Variants in MTNR1A observed in about 807,000 individuals in gnomAD.
The protein encoded by MTNR1A is melatonin receptor 1A.
A neutral mutation model predicts 5.5 loss-of-function variants in MTNR1A; 7 were observed. The observed-to-expected ratio is 1.28, with a 90% CI of 0.73 to 2.40. The LOEUF (loss-of-function observed/expected upper bound fraction) is 2.40, where lower values mean the gene tolerates loss of function less well. MTNR1A is among the 30% of genes most tolerant of loss of function. The pLI, the probability that MTNR1A is intolerant of heterozygous loss-of-function variation, is 0.00. For missense variants in MTNR1A, 441 were observed against 464.4 expected, an observed-to-expected ratio of 0.95 and a Z score of 0.46; for synonymous variants, 196 against 202.7, an observed-to-expected ratio of 0.97 and a Z score of 0.28.
intron 1 of MTNR1A, among the ~76,000 whole-genome samples, chr4:186,551,430 T>C (rs1189658683): frequency 1.3e-5 from 2 of 151,898 alleles, no homozygotes; most frequent in Non-Finnish European, 2.9e-5. Flanking sequence ...TTTTTAAACA[T>C]ACACTTAAAA....
intron 1 of MTNR1A, among the ~76,000 whole-genome samples, chr4:186,541,741 C>A (rs941576166): frequency 6.6e-6 from 1 of 152,120 alleles, no homozygotes; most frequent in African/African-American, 2.4e-5. Context: ...CTAACTAATG[C>A]CTGATGATTT....
chr4:186,554,155 T>C (rs1039367990), intron 1 of MTNR1A, among the ~76,000 whole-genome samples: 1 of 151,700 alleles, frequency 6.6e-6, no homozygotes, highest in Non-Finnish European at 1.5e-5. Context: ...TTCAATTTAC[T>C]GACTCAAACT....
intron 1 of MTNR1A, among the ~76,000 whole-genome samples, chr4:186,554,697 CCT>C (rs1257448010): frequency 6.6e-6 from 1 of 152,230 alleles, no homozygotes; most frequent in Non-Finnish European, 1.5e-5. Context: ...CGTTTGGGAG[CCT>C]CTCTTTCCAC....
intron 1 of MTNR1A, among the ~76,000 whole-genome samples, chr4:186,535,099 G>A (rs1019552714): frequency 2.6e-5 from 4 of 152,058 alleles, no homozygotes; most frequent in Non-Finnish European, 4.4e-5. Flanking sequence ...CTGTCCAACC[G>A]GGGCAAGTTA....
At chr4:186,552,005 C>A (rs1326068936) in intron 1 of MTNR1A, among the ~76,000 whole-genome samples, 1 of 152,118 alleles carries the variant, frequency 6.6e-6, no homozygotes, top group Non-Finnish European at 1.5e-5. Flanking sequence ...TGTATCATAT[C>A]CCTGTCTTCT....
chr4:186,550,660 A>T (rs928246261), intron 1 of MTNR1A, among the ~76,000 whole-genome samples: 1 of 152,174 alleles, frequency 6.6e-6, no homozygotes, highest in Non-Finnish European at 1.5e-5. Flanking sequence ...TAACTCCCAA[A>T]ATTGCCAAGA....
chr4:186,544,780 G>C (rs75715935), intron 1 of MTNR1A, among the ~76,000 whole-genome samples: 10,647 of 152,210 alleles, frequency 0.07, 405 homozygotes, highest in East Asian at 0.14. Context: ...GGCGGCTTCT[G>C]CTCATCCTCT....
chr4:186,549,215 T>G (rs1168541473), intron 1 of MTNR1A, among the ~76,000 whole-genome samples: 1 of 14,278 alleles, frequency 7.0e-5, no homozygotes, highest in Non-Finnish European at 1.8e-4. Flanking sequence ...CAATATCCCT[T>G]CCAAGAACAT....
chr4:186,535,880 G>A (rs60813580), intron 1 of MTNR1A, among the ~76,000 whole-genome samples: 4,785 of 152,200 alleles, frequency 0.031, 249 homozygotes, highest in African/African-American at 0.11. Flanking sequence ...AGAAGCCTTT[G>A]CTCATTTGCC....
At chr4:186,541,758 G>A (rs767368634) in intron 1 of MTNR1A, among the ~76,000 whole-genome samples, 3 of 152,140 alleles carry the variant, frequency 2.0e-5, no homozygotes, top group Non-Finnish European at 4.4e-5. Flanking sequence ...ATTTGAGGTG[G>A]GACAGTTTCA....
Position 186,547,741 on chromosome 4 carries a change from T to A in MTNR1A, c.184+7441A>T, listed in dbSNP as rs77574527. Among the ~76,000 whole-genome samples, 1,394 of 152,306 alleles carry A rather than the reference T, an allele frequency of 9.2e-3. 17 individuals carry two copies. Among genetic ancestry groups the A allele is most frequent in the African/African-American group, 0.032 (1,347 of 41,556 alleles). On this transcript the variant is annotated intron_variant, in intron 1 of 1. Coordinates refer to ENST00000307161, the MANE Select transcript of MTNR1A (RefSeq NM_005958.4). ...TACACGGTATTGTACACTGTACACT[T>A]TACATTGTACACTGTATTGCATATA...
intron 1 of MTNR1A, among the ~76,000 whole-genome samples, chr4:186,550,046 G>T (rs1470022656): frequency 6.6e-6 from 1 of 152,210 alleles, no homozygotes; most frequent in African/African-American, 2.4e-5. Flanking sequence ...TGCCGAAAGT[G>T]TATACAGCTC....
chr4:186,539,075 G>T (rs1203687679), intron 1 of MTNR1A, among the ~76,000 whole-genome samples: 1 of 151,910 alleles, frequency 6.6e-6, no homozygotes, highest in South Asian at 2.1e-4. Flanking sequence ...AAATTAGCTG[G>T]GCGTGGTGGT....
intron 1 of MTNR1A, among the ~76,000 whole-genome samples, chr4:186,539,062 C>T (rs1736945969): frequency 6.6e-6 from 1 of 151,804 alleles, no homozygotes; most frequent in Non-Finnish European, 1.5e-5. Context: ...ACTAAAAATA[C>T]AAAAATTAGC....
In MTNR1A at chr4:186,555,228, G is replaced by A. The variant is rs1048314577; in HGVS notation, c.138C>T (p.Leu46=). 6.3e-7 allele frequency: 1 copy of A among 1,589,114 alleles called. No homozygotes were observed. The highest frequency in any genetic ancestry group is 8.6e-7 in the Non-Finnish European group (1 of 1,168,402). Reference sequence around the variant, plus strand: ...TCCGATACACCGACAGGATGACCAGGAGGTTGCCCAGGATGTCCACCACGA... The same window carrying A: ...TCCGATACACCGACAGGATGACCAGAAGGTTGCCCAGGATGTCCACCACGA... ...FTIVVDILGN[L]LVILSVYRNK... is the part of the protein sequence containing the mutation. The change falls in exon 1 of 2, where the codon CTC becomes CTT. Residue 46 remains leucine, a synonymous_variant. Coordinates refer to ENST00000307161, the MANE Select transcript of MTNR1A (RefSeq NM_005958.4). The surrounding 1 kb of genome is among the most constrained non-coding windows in gnomAD (Gnocchi z 4.1).
rs368437747 is a variant in MTNR1A at position 186,534,405 on chromosome 4, C to T, written c.337G>A (p.Gly113Ser). The T allele has an allele frequency of 3.4e-5, 55 of 1,614,064 alleles. No homozygotes were observed. Among genetic ancestry groups the T allele is most frequent in the South Asian group, 3.1e-4 (28 of 91,060 alleles). The change falls in exon 2 of 2, where the codon GGC becomes AGC. Residue 113 changes from glycine to serine, a missense_variant. By Grantham distance (56) the Gly-to-Ser change is moderately conservative (BLOSUM62 0). Coordinates refer to ENST00000307161, the MANE Select transcript of MTNR1A (RefSeq NM_005958.4). The part of the protein sequence containing the change: ...SGFLMGLSVI[G>S]SIFNITGIAI... ...ATGCCGGTGATGTTGAATATGGAGC[C>T]GATGACGCTCAGGCCCATCAGGAAC... is the stretch of plus-strand genomic sequence containing the variant.
intron 1 of MTNR1A, among the ~76,000 whole-genome samples, chr4:186,551,872 T>C (rs1328111139): frequency 6.6e-6 from 1 of 152,126 alleles, no homozygotes; most frequent in African/African-American, 2.4e-5. Context: ...GAGTCAGCCA[T>C]CCAGCCATAG....
rs988840329 is a variant in MTNR1A at position 186,540,741 on chromosome 4, C to T, written c.185-6184G>A. 2.9e-4 allele frequency among the ~76,000 whole-genome samples: 43 copies of T among 147,392 alleles called. 1 individual carries two copies. Among genetic ancestry groups the T allele is most frequent in the Non-Finnish European group, 5.0e-4 (34 of 67,516 alleles). On this transcript the variant is annotated intron_variant, in intron 1 of 1. Transcript: ENST00000307161. ...AGGTGCTGTCTGACTGACTGAAGGA[C>T]CAGGTGCTGTCTGTCTGAAGGACCA...
At chr4:186,549,720 A>C (rs1478588224) in intron 1 of MTNR1A, among the ~76,000 whole-genome samples, 2 of 152,216 alleles carry the variant, frequency 1.3e-5, no homozygotes, top group Non-Finnish European at 2.9e-5. Context: ...GCCTCGATAG[A>C]AAGTAATCTC....
Sources: allele counts gnomAD v4.1 joint callset (sites outside exome capture counted in the v4.1 genomes callset), GRCh38; gene constraint gnomAD v4.1.1; non-coding constraint Gnocchi (gnomAD v3.1); transcripts MANE v1.5; gene names NCBI Gene and HGNC (gene_info 2026-07-23, HGNC 2026-07-21).